The following FRMPD3 variants were observed in gnomAD, a reference collection of about 807,000 sequenced individuals.
FRMPD3 encodes the protein FERM and PDZ domain-containing protein 3.
Under a neutral mutation model 97.9 loss-of-function variants are expected in FRMPD3, and 42 were observed. The ratio of observed to expected loss-of-function variants is 0.43; its 90% confidence interval spans 0.34 to 0.55. The LOEUF is 0.55. FRMPD3 is among the 20% of genes least tolerant of loss of function. The probability of loss-of-function intolerance (pLI) is 0.03; values close to 1 mark genes in which losing one functional copy is unlikely to be tolerated. For missense variants in FRMPD3, 1,303 were observed against 1,457.7 expected, an observed-to-expected ratio of 0.89 and a Z score of 1.73; for synonymous variants, 577 against 581.1, an observed-to-expected ratio of 0.99 and a Z score of 0.10.
intron 1 of FRMPD3, among the ~76,000 whole-genome samples, chrX:107,488,842 A>T (rs1403058970): frequency 9.0e-6 from 1 of 110,681 alleles, no homozygotes; most frequent in Non-Finnish European, 1.9e-5. Flanking sequence ...ATTTTATTTT[A>T]TTATTATTAT....
At chrX:107,591,733 CT>C (rs994414062) in intron 13 of FRMPD3, among the ~76,000 whole-genome samples, 12 of 110,774 alleles carry the variant, frequency 1.1e-4, no homozygotes, top group Non-Finnish European at 2.1e-4. Flanking sequence ...GTTTGCTCTT[CT>C]TTTTTTGCCT....
chrX:107,450,601 C>CACACACACAG (rs1463795736), intron 1 of FRMPD3, among the ~76,000 whole-genome samples: 13 of 93,419 alleles, frequency 1.4e-4, no homozygotes, highest in African/African-American at 4.8e-4. Context: ...CACACACACA[C>CACACACACAG]AGAGAGAGAG....
At chrX:107,588,557 C>T (rs1027269416) in intron 13 of FRMPD3, among the ~76,000 whole-genome samples, 2 of 111,803 alleles carry the variant, frequency 1.8e-5, no homozygotes, top group African/African-American at 3.3e-5. Context: ...CCCAGCCTTG[C>T]GGTTGATCTT....
At chrX:107,468,742 G>A (rs1244418157) in intron 1 of FRMPD3, among the ~76,000 whole-genome samples, 4 of 112,670 alleles carry the variant, frequency 3.6e-5, no homozygotes, top group Non-Finnish European at 7.5e-5. Flanking sequence ...GATGGGGTCT[G>A]GCTCAGTGCA....
intron 1 of FRMPD3, among the ~76,000 whole-genome samples, chrX:107,475,574 G>T (rs1921178069): frequency 8.9e-6 from 1 of 112,521 alleles, no homozygotes; most frequent in Non-Finnish European, 1.9e-5. Context: ...GTGAATCAGG[G>T]TTATAATTTT....
chrX:107,525,186 C>CT lies in FRMPD3; in HGVS notation c.-7-1395dup, dbSNP rs758371404. Among the ~76,000 whole-genome samples the CT allele has an allele frequency of 4.7e-3, 527 of 111,444 alleles. 2 individuals are homozygous for CT. Among genetic ancestry groups the CT allele is most frequent in the African/African-American group, 0.016 (503 of 30,685 alleles). On this transcript the variant is annotated intron_variant, in intron 1 of 14. Coordinates refer to ENST00000683843, the MANE Select transcript of FRMPD3 (RefSeq NM_001388459.1). Reference sequence around the variant, plus strand: ...CTGAGGCTAGAAAACTTAAACCCGTCTATCTAGAAGGCCTAAAATTCTGGG... The same window carrying CT: ...CTGAGGCTAGAAAACTTAAACCCGTCTTATCTAGAAGGCCTAAAATTCTGGG...
intron 4 of FRMPD3, among the ~76,000 whole-genome samples, chrX:107,537,260 A>G (rs1448558205): frequency 8.9e-6 from 1 of 111,984 alleles, no homozygotes; most frequent in Non-Finnish European, 1.9e-5. Context: ...TTCTCCAAAC[A>G]GCTTTGCCTG....
intron 13 of FRMPD3, among the ~76,000 whole-genome samples, chrX:107,595,762 C>G (rs753369105): frequency 9.1e-6 from 1 of 109,560 alleles, no homozygotes; most frequent in East Asian, 2.9e-4. Context: ...CATGGTGAAA[C>G]CCCGCCTCTA....
chrX:107,495,454 G>GT (rs1212930028), intron 1 of FRMPD3, among the ~76,000 whole-genome samples: 10 of 112,357 alleles, frequency 8.9e-5, no homozygotes, highest in African/African-American at 3.2e-4. Context: ...GGACAGGAAT[G>GT]TTTTTTAAAA....
intron 1 of FRMPD3, among the ~76,000 whole-genome samples, chrX:107,450,644 A>T (rs1194304342): frequency 1.9e-5 from 2 of 106,274 alleles, no homozygotes; most frequent in Non-Finnish European, 3.9e-5. Flanking sequence ...GCCCCCTCCC[A>T]CCAAGATGCT....
rs1921117652 is a variant in FRMPD3, at chrX:107,538,553, A to C, written c.297+5003A>C. On this transcript the variant is annotated intron_variant, in intron 4 of 14. Coordinates refer to ENST00000683843, the MANE Select transcript of FRMPD3 (RefSeq NM_001388459.1). The stretch of plus-strand genomic sequence containing the variant: ...ATCTATATTTGTTAAAAAAAAAAAA[A>C]AAAAAAAAAAAACCACTGGACCAGA... Among the ~76,000 whole-genome samples, 3 of 108,114 alleles carry C rather than the reference A, an allele frequency of 2.8e-5. No homozygotes were observed. In the South Asian group the frequency reaches 1.2e-3, roughly 44 times the overall value. The allele number at this position is 108,114 out of a possible 115,157, so 93.9% of individuals were successfully genotyped here. A position where few individuals can be genotyped will look rare whatever the true frequency, so the allele number is the denominator to read the frequency against.
chrX:107,596,173 G>C (rs1031323840), intron 13 of FRMPD3, among the ~76,000 whole-genome samples: 2 of 111,144 alleles, frequency 1.8e-5, no homozygotes, highest in African/African-American at 3.3e-5. Flanking sequence ...CATTTTGAAG[G>C]CTTGTTTTCC....
At chrX:107,500,124 C>T (rs962957601) in intron 1 of FRMPD3, among the ~76,000 whole-genome samples, 1 of 111,904 alleles carries the variant, frequency 8.9e-6, no homozygotes, top group Non-Finnish European at 1.9e-5. Context: ...GGCAACACAA[C>T]AGTACAAATA....
At chrX:107,541,999 T>C (rs752967649) in intron 4 of FRMPD3, among the ~76,000 whole-genome samples, 12 of 113,003 alleles carry the variant, frequency 1.1e-4, no homozygotes, top group Non-Finnish European at 2.1e-4. Flanking sequence ...CACTGTGCCA[T>C]GCAGGCATCT....
At chrX:107,538,624 T>C (rs140217340) in intron 4 of FRMPD3, among the ~76,000 whole-genome samples, 2,591 of 108,540 alleles carry the variant, frequency 0.024, 84 homozygotes, top group African/African-American at 0.083. Context: ...ATTATGTGGC[T>C]GATAATGGCC....
chrX:107,498,765 G>T (rs183345627), intron 1 of FRMPD3, among the ~76,000 whole-genome samples: 1 of 111,971 alleles, frequency 8.9e-6, no homozygotes, highest in East Asian at 2.8e-4. Flanking sequence ...ACAATGAGAG[G>T]CTGTCCAAAG....
chrX:107,560,203 G>T, intron 8 of FRMPD3, 54 bp from the exon 9 acceptor site: 1 of 1,181,902 alleles, frequency 8.5e-7, no homozygotes. Flanking sequence ...AGATCAGGGG[G>T]TGGGGAAGGA....
At chrX:107,572,060 A>G (rs1429139309) in intron 12 of FRMPD3, among the ~76,000 whole-genome samples, 2 of 111,988 alleles carry the variant, frequency 1.8e-5, no homozygotes, top group East Asian at 2.8e-4. Flanking sequence ...GATTTGGGTT[A>G]TGTCTTATTT....
intron 6 of FRMPD3, 28 bp from the exon 7 acceptor site, chrX:107,552,767 C>T: frequency 2.5e-6 from 3 of 1,201,833 alleles, no homozygotes; most frequent in Non-Finnish European, 3.4e-6. Flanking sequence ...AACTAATCTC[C>T]CTCTCAAGGC....
Sources: gnomAD v4.1 joint callset for allele counts (sites outside exome capture counted in the v4.1 genomes callset) on GRCh38, gnomAD v4.1.1 for gene constraint, MANE v1.5 for transcripts, NCBI Gene and HGNC (gene_info 2026-07-23, HGNC 2026-07-21) for gene names.